Variants in ZNF577 observed in about 807,000 individuals in gnomAD.
ZNF577 encodes the protein zinc finger protein 577.
In ZNF577, 14 loss-of-function variants were observed where a neutral mutation model predicts 13.9. The observed-to-expected ratio is 1.00, with a 90% CI of 0.66 to 1.57. The LOEUF (loss-of-function observed/expected upper bound fraction) is 1.57, where lower values mean the gene tolerates loss of function less well. Among genes scored for constraint, ZNF577 ranks in the 40% most tolerant of loss-of-function variants. ZNF577 has a pLI of 0.00. For synonymous variants in ZNF577, 203 were observed against 202.9 expected (o/e 1.00, Z 0.00); for missense variants, 555 against 579.2 (o/e 0.96, Z 0.43).
chr19:51,819,589 T>G (rs2084172798), intron 9 of ZNF577, among the ~76,000 whole-genome samples: 1 of 152,142 alleles, frequency 6.6e-6, no homozygotes, highest in African/African-American at 2.4e-5. Flanking sequence ...TCCACTGGAT[T>G]TGGCAGTCTG....
In ZNF577 at chr19:51,853,950, C is replaced by T. The variant is rs10423844; in HGVS notation, c.284-9019G>A. On this transcript the variant is annotated intron_variant and NMD_transcript_variant, in intron 5 of 10. Coordinates refer to the ZNF577 transcript ENST00000638827. ...GAAAGAAGCAAACTGGATAGAAGAGCGAGATAGATTATAGGTAGAAGATAA... is the reference window on the plus strand; with the variant it reads ...GAAAGAAGCAAACTGGATAGAAGAGTGAGATAGATTATAGGTAGAAGATAA... Among the ~76,000 whole-genome samples the T allele has an allele frequency of 5.9e-5, 9 of 151,916 alleles. No homozygotes were observed. In the East Asian group the frequency reaches 1.5e-3, roughly 26 times the overall value.
At chr19:51,825,394 A>G (rs918298521) in intron 9 of ZNF577, 2 of 167,240 alleles carry the variant, frequency 1.2e-5, no homozygotes, top group African/African-American at 4.8e-5. Context: ...TGGAAGCTTC[A>G]TGATGTCAGC....
chr19:51,886,683 CA>C (rs2084951816), intron 1 of ZNF577, 137 bp downstream of exon 1: 1 of 151,948 alleles, frequency 6.6e-6, no homozygotes, highest in South Asian at 2.1e-4. Flanking sequence ...TTATTCAGAC[CA>C]TACTACGTAC....
intron 9 of ZNF577, among the ~76,000 whole-genome samples, chr19:51,822,683 G>C (rs150918894): frequency 2.6e-5 from 4 of 152,280 alleles, no homozygotes; most frequent in African/African-American, 4.8e-5. Flanking sequence ...AATAGTCTCT[G>C]ATAAGAACCC....
chr19:51,810,752 A>C (rs1372299356), intron 10 of ZNF577, among the ~76,000 whole-genome samples: 1 of 152,186 alleles, frequency 6.6e-6, no homozygotes, highest in African/African-American at 2.4e-5. Context: ...TAGCAATCCT[A>C]AGGTCAACCG....
chr19:51,851,621 T>G (rs1185790149), intron 5 of ZNF577, among the ~76,000 whole-genome samples: 1 of 152,024 alleles, frequency 6.6e-6, no homozygotes, highest in African/African-American at 2.4e-5. Context: ...TTTGCTCCTG[T>G]TCACAACTCC....
In ZNF577 at chr19:51,873,010, T is replaced by G; in HGVS notation, c.980A>C (p.Glu327Ala). 6.2e-7 allele frequency: 1 copy of G among 1,614,194 alleles called. No individual in the cohort carries two copies. Among genetic ancestry groups the G allele is most frequent in the East Asian group, 2.2e-5 (1 of 44,890 alleles). Residue 327 changes from glutamate (E) to alanine (A), a missense_variant, in exon 6 of 6, where the codon GAA (glutamate) becomes GCA (alanine). Glu to Ala is a moderately radical substitution (Grantham distance 107). Transcript: ENST00000638348. ...QRIHTGEKPY[E>A]CSECEKAFRS... ...AAAGGCTTTTTCACACTCACTACATTCATAAGGTTTCTCTCCCGTATGAAT... is the reference window on the plus strand; with the variant it reads ...AAAGGCTTTTTCACACTCACTACATGCATAAGGTTTCTCTCCCGTATGAAT...
intron 9 of ZNF577, among the ~76,000 whole-genome samples, chr19:51,833,625 C>T (rs1389401972): frequency 6.6e-6 from 1 of 152,126 alleles, no homozygotes; most frequent in African/African-American, 2.4e-5. Context: ...AAATTTTAGA[C>T]TTGGCACTTA....
chr19:51,815,601 CTCA>C (rs2122464747), intron 9 of ZNF577, among the ~76,000 whole-genome samples: 1 of 150,926 alleles, frequency 6.6e-6, no homozygotes, highest in African/African-American at 2.4e-5. Flanking sequence ...GGCACGGTGG[CTCA>C]CACTTGTCAT....
chr19:51,805,843 C>T (rs369387788), intron 10 of ZNF577, among the ~76,000 whole-genome samples: 19 of 152,148 alleles, frequency 1.2e-4, no homozygotes, highest in African/African-American at 4.3e-4. Context: ...CAATAAGTAA[C>T]CTGAAGTAGA....
At chr19:51,830,613 C>T (rs1301552198) in intron 9 of ZNF577, among the ~76,000 whole-genome samples, 1 of 152,132 alleles carries the variant, frequency 6.6e-6, no homozygotes, top group Non-Finnish European at 1.5e-5. Flanking sequence ...GAATCTTAGG[C>T]CCCTAAGCAT....
chr19:51,815,733 C>T (rs753491612), intron 9 of ZNF577, among the ~76,000 whole-genome samples: 12 of 151,638 alleles, frequency 7.9e-5, no homozygotes, highest in South Asian at 2.1e-4. Flanking sequence ...TGGTATCTCA[C>T]GCCTGTAGTC....
At chr19:51,838,622 TATTAA>T (rs990950692) in intron 9 of ZNF577, among the ~76,000 whole-genome samples, 59 of 147,974 alleles carry the variant, frequency 4.0e-4, no homozygotes, top group African/African-American at 1.2e-3. Flanking sequence ...TATAAATTTA[TATTAA>T]ATTAAATAGA....
rs373207453 is a variant in ZNF577 at position 51,824,615 on chromosome 19, C to T, written c.*600-12941G>A. 24 of 1,613,996 alleles carry T rather than the reference C, an allele frequency of 1.5e-5. No homozygotes were observed. Among genetic ancestry groups the T allele is most frequent in the Non-Finnish European group, 1.9e-5 (23 of 1,180,014 alleles). On this transcript the variant is annotated intron_variant and NMD_transcript_variant, in intron 9 of 10. Coordinates refer to the ZNF577 transcript ENST00000638827. The surrounding 1 kb of genome is among the most constrained non-coding windows in gnomAD (Gnocchi z 4.7). ...TTGTCCTGATTAACCCAACAAGCTCCTTGGCCTTTTTTAACAGCTGCCTCA... is the reference window on the plus strand; with the variant it reads ...TTGTCCTGATTAACCCAACAAGCTCTTTGGCCTTTTTTAACAGCTGCCTCA...
intron 5 of ZNF577, among the ~76,000 whole-genome samples, chr19:51,857,516 A>C (rs1023779478): frequency 6.6e-6 from 1 of 152,222 alleles, no homozygotes; most frequent in African/African-American, 2.4e-5. Flanking sequence ...CCACAATTTC[A>C]TATCTTGGTA....
intron 9 of ZNF577, among the ~76,000 whole-genome samples, chr19:51,819,362 A>G (rs1373882779): frequency 6.6e-6 from 1 of 152,232 alleles, no homozygotes; most frequent in Non-Finnish European, 1.5e-5. Flanking sequence ...ACTGAATGAT[A>G]TCACCTATAG....
At chr19:51,838,193 A>C (rs867622152) in intron 9 of ZNF577, among the ~76,000 whole-genome samples, 7 of 151,860 alleles carry the variant, frequency 4.6e-5, no homozygotes, top group South Asian at 4.1e-4. Context: ...TATAAAACTT[A>C]AAAATCTAAA....
chr19:51,884,460 T>C (rs1183941413), intron 1 of ZNF577, among the ~76,000 whole-genome samples: 1 of 152,108 alleles, frequency 6.6e-6, no homozygotes, highest in African/African-American at 2.4e-5. Context: ...AGCTAAGTTA[T>C]GGGTAAATAT....
intron 5 of ZNF577, among the ~76,000 whole-genome samples, chr19:51,855,594 C>T (rs942024304): frequency 2.0e-5 from 3 of 152,060 alleles, no homozygotes; most frequent in Non-Finnish European, 4.4e-5. Context: ...TAAGAGTTCC[C>T]TATTAACATC....
Sources: allele counts gnomAD v4.1 joint callset (sites outside exome capture counted in the v4.1 genomes callset), GRCh38; gene constraint gnomAD v4.1.1; non-coding constraint Gnocchi (gnomAD v3.1); transcripts MANE v1.5; gene names NCBI Gene and HGNC (gene_info 2026-07-23, HGNC 2026-07-21).